Variants in CADPS2 observed in about 807,000 individuals in gnomAD.
The protein encoded by CADPS2 is calcium dependent secretion activator 2, also known as calcium-dependent secretion activator 2.
In CADPS2, 93 loss-of-function variants were observed where a neutral mutation model predicts 172.5. The observed-to-expected ratio is 0.54, with a 90% CI of 0.46 to 0.64. The LOEUF (loss-of-function observed/expected upper bound fraction) is 0.64, where lower values mean the gene tolerates loss of function less well. Ranked by LOEUF, CADPS2 falls within the 30% of genes least tolerant of loss-of-function variation. The pLI is 0.00. For missense variants in CADPS2, 1,420 were observed against 1,565.9 expected (o/e 0.91, Z 1.57); for synonymous variants, 546 against 555.2 (o/e 0.98, Z 0.23).
chr7:122,698,566 A>G, intron 2 of CADPS2: 1 of 1,614,080 alleles, frequency 6.2e-7, no homozygotes, highest in Non-Finnish European at 8.5e-7. Flanking sequence ...CTCAGTTGCC[A>G]CTTTAATTTT....
At chr7:122,642,095 CAT>C (rs2077717507) in intron 3 of CADPS2, among the ~76,000 whole-genome samples, 1 of 151,848 alleles carries the variant, frequency 6.6e-6, no homozygotes, top group South Asian at 2.1e-4. Flanking sequence ...GCCTGGCCAA[CAT>C]GGTGAAACCT....
At chr7:122,501,079 ACCC>A (rs904439898) in intron 9 of CADPS2, among the ~76,000 whole-genome samples, 2 of 151,854 alleles carry the variant, frequency 1.3e-5, no homozygotes, top group Non-Finnish European at 2.9e-5. Context: ...ACTAAACGAG[ACCC>A]CCATCTTTTA....
At chr7:122,511,353 T>C (rs2059987815) in intron 9 of CADPS2, among the ~76,000 whole-genome samples, 1 of 152,102 alleles carries the variant, frequency 6.6e-6, no homozygotes, top group Admixed American at 6.6e-5. Flanking sequence ...CTTACAATCA[T>C]ATGCTAGAAA....
At chr7:122,737,327 C>A (rs1188666622) in intron 1 of CADPS2, among the ~76,000 whole-genome samples, 1 of 152,232 alleles carries the variant, frequency 6.6e-6, no homozygotes, top group South Asian at 2.1e-4. Flanking sequence ...CGGGTTCAAG[C>A]GATTCTCCTG....
chr7:122,477,108 CTG>C (rs1462266630), intron 12 of CADPS2, among the ~76,000 whole-genome samples: 3 of 148,580 alleles, frequency 2.0e-5, no homozygotes, highest in Non-Finnish European at 4.4e-5. Flanking sequence ...GGTAGATAGG[CTG>C]TGTTTCAATA....
In CADPS2 at chr7:122,784,579, A is replaced by C. The variant is rs111376674; in HGVS notation, c.340-47511T>G. 2.4e-3 allele frequency among the ~76,000 whole-genome samples: 371 copies of C among 152,332 alleles called. 1 individual carries two copies. The highest frequency in any genetic ancestry group is 8.1e-3 in the African/African-American group (338 of 41,568). ...TTAATCTAGGCAGGAAAATGATATA[A>C]GTTGAAAGTAAGATTCTTGGATTGT... On this transcript the variant is annotated intron_variant, in intron 1 of 29. Coordinates refer to ENST00000449022, the MANE Select transcript of CADPS2 (RefSeq NM_017954.11).
intron 8 of CADPS2, among the ~76,000 whole-genome samples, chr7:122,541,460 C>T (rs772430940): frequency 2.0e-5 from 3 of 149,204 alleles, no homozygotes; most frequent in Non-Finnish European, 4.4e-5. Context: ...CCCGCCTCAG[C>T]CTCCCAAAGT....
At chr7:122,443,168 T>C (rs1173646623) in intron 15 of CADPS2, among the ~76,000 whole-genome samples, 1 of 152,188 alleles carries the variant, frequency 6.6e-6, no homozygotes, top group Non-Finnish European at 1.5e-5. Flanking sequence ...AGATTACATT[T>C]AGCATTTCAG....
chr7:122,468,049 T>A (rs1278740818), intron 14 of CADPS2, among the ~76,000 whole-genome samples: 1 of 152,176 alleles, frequency 6.6e-6, no homozygotes, highest in Admixed American at 6.5e-5. Context: ...AGAGTGCTAT[T>A]CAGAGATGTA....
intron 28 of CADPS2, among the ~76,000 whole-genome samples, chr7:122,336,791 A>AT (rs2035924784): frequency 6.6e-6 from 1 of 152,200 alleles, no homozygotes; most frequent in African/African-American, 2.4e-5. Context: ...ACCATTGGTA[A>AT]GAGAGCTTAG....
At chr7:122,374,779 G>A (rs1365139864) in intron 25 of CADPS2, among the ~76,000 whole-genome samples, 2 of 152,118 alleles carry the variant, frequency 1.3e-5, no homozygotes, top group African/African-American at 4.8e-5. Context: ...TGTAGGTGAC[G>A]AGCTGATGGG....
intron 27 of CADPS2, among the ~76,000 whole-genome samples, chr7:122,349,180 T>C (rs1455771381): frequency 6.6e-6 from 1 of 152,112 alleles, no homozygotes; most frequent in Non-Finnish European, 1.5e-5. Flanking sequence ...GACTACCAAT[T>C]ATATCAAAAA....
At chr7:122,847,763 A>T (rs1374917928) in intron 1 of CADPS2, among the ~76,000 whole-genome samples, 4 of 152,214 alleles carry the variant, frequency 2.6e-5, no homozygotes, top group African/African-American at 4.8e-5. Flanking sequence ...TACTGCTCCG[A>T]ACTCATACTT....
At chr7:122,512,355 T>C (rs2060065445) in intron 9 of CADPS2, among the ~76,000 whole-genome samples, 3 of 152,146 alleles carry the variant, frequency 2.0e-5, no homozygotes, top group Admixed American at 2.0e-4. Flanking sequence ...TTTTACAGAA[T>C]GTTTTGTGTT....
chr7:122,741,023 T>C (rs538186151), intron 1 of CADPS2, among the ~76,000 whole-genome samples: 38 of 152,126 alleles, frequency 2.5e-4, no homozygotes, highest in Non-Finnish European at 5.4e-4. Context: ...ATGTGAGAAA[T>C]GACATGTGTA....
intron 2 of CADPS2, among the ~76,000 whole-genome samples, chr7:122,708,396 A>G (rs1400181293): frequency 6.6e-6 from 1 of 150,544 alleles, no homozygotes; most frequent in Non-Finnish European, 1.5e-5. Flanking sequence ...TAGAATATTC[A>G]TAATGAGTTC....
intron 17 of CADPS2, among the ~76,000 whole-genome samples, chr7:122,437,796 A>T (rs897326704): frequency 7.1e-6 from 1 of 140,998 alleles, no homozygotes; most frequent in African/African-American, 2.6e-5. Flanking sequence ...TAATGAATAA[A>T]GCCTGAAGAA....
chr7:122,549,353 G>C (rs936062671), intron 8 of CADPS2, among the ~76,000 whole-genome samples: 9 of 152,020 alleles, frequency 5.9e-5, no homozygotes, highest in Admixed American at 3.3e-4. Flanking sequence ...AAAAAATCAA[G>C]GATTGATAAA....
chr7:122,471,755 T>C (rs1448787280), intron 13 of CADPS2, among the ~76,000 whole-genome samples, 193 bp from the exon 14 acceptor site: 2 of 152,152 alleles, frequency 1.3e-5, no homozygotes, highest in Non-Finnish European at 2.9e-5. Flanking sequence ...GGCAACCTAA[T>C]GCTATTCTCT....
Sources: allele counts gnomAD v4.1 joint callset (sites outside exome capture counted in the v4.1 genomes callset), GRCh38; gene constraint gnomAD v4.1.1; transcripts MANE v1.5; gene names NCBI Gene and HGNC (gene_info 2026-07-23, HGNC 2026-07-21).